Variants in TRPM5 observed in about 807,000 individuals in gnomAD.
The protein encoded by TRPM5 is transient receptor potential cation channel subfamily M member 5, also known as MLSN1 and TRP-related.
TRPM5 carries 121 observed loss-of-function variants against 124.9 expected under a neutral mutation model. The observed-to-expected ratio is 0.97, with a 90% CI of 0.84 to 1.13. The LOEUF (loss-of-function observed/expected upper bound fraction) is 1.13, where lower values mean the gene tolerates loss of function less well. TRPM5 is among the 50% of genes most tolerant of loss of function. TRPM5 has a pLI of 0.00. For synonymous variants in TRPM5, 781 were observed against 700.5 expected (o/e 1.11, Z -1.81); for missense variants, 1,643 against 1,589.1 (o/e 1.03, Z -0.58).
Position 2,413,169 on chromosome 11 carries a change from G to C in TRPM5, c.2061C>G (p.Asp687Glu), listed in dbSNP as rs139148413. The C allele has an allele frequency of 3.1e-4, 484 of 1,552,422 alleles. 2 individuals carry two copies. The African/African-American group carries it at 5.9e-3, about 19-fold the overall frequency. Residue 687 changes from aspartate to glutamate, a missense_variant, in exon 14 of 24, where the codon GAC (aspartate) becomes GAG (glutamate). Asp to Glu is a conservative substitution (Grantham distance 45, BLOSUM62 2). Coordinates refer to ENST00000155858, the Ensembl canonical transcript of TRPM5. ...GGCCATACAGCGGGCTCTTCTCCGT[G>C]TCCAGGCTGTCCAGGTCCTGCAGGT...
the TRPM5 span, among the ~76,000 whole-genome samples, chr11:2,437,145 A>G: frequency 6.6e-6 from 1 of 152,242 alleles, no homozygotes; most frequent in Non-Finnish European, 1.5e-5. This position sits in a 1 kb window ranked among gnomAD's most constrained non-coding sequence, Gnocchi z 5.6. Flanking sequence ...CAGGTCCTTC[A>G]TGGTGACAAA....
chr11:2,413,380 G>A, intron 13 of TRPM5, 96 bp downstream of exon 18: 1 of 1,333,736 alleles, frequency 7.5e-7, no homozygotes, highest in African/African-American at 1.5e-5. Flanking sequence ...ACAGAGTCAG[G>A]CTACCACCAG....
At chr11:2,417,179 C>G (rs1033177554) in intron 7 of TRPM5, among the ~76,000 whole-genome samples, 1 of 152,172 alleles carries the variant, frequency 6.6e-6, no homozygotes, top group Admixed American at 6.5e-5. Context: ...TTGGCTAGTG[C>G]GGTGGCTCAC....
chr11:2,426,355 C>T (rs1266597934), upstream of TRPM5, among the ~76,000 whole-genome samples: 1 of 152,144 alleles, frequency 6.6e-6, no homozygotes, highest in Non-Finnish European at 1.5e-5. Flanking sequence ...GTGCTAGGCA[C>T]CAGGCAAATG....
At chr11:2,428,772 G>C in the TRPM5 span, among the ~76,000 whole-genome samples, 2 of 151,688 alleles carry the variant, frequency 1.3e-5, no homozygotes, top group Admixed American at 6.6e-5. The surrounding 1 kb of genome is among the most constrained non-coding windows in gnomAD (Gnocchi z 4.0). Flanking sequence ...TGATGATGAT[G>C]ATGGTGGTGG....
In TRPM5 at chr11:2,414,651, C is replaced by G. The variant is rs957004927; in HGVS notation, c.1744+64G>C. ...AGCCCTGGCGAGGCCCAGGACCCTT[C>G]GTCCGACCCCTCCGTCACATCCTCC... On this transcript the variant is annotated intron_variant, in intron 11 of 23. Coordinates refer to ENST00000155858, the Ensembl canonical transcript of TRPM5. The G allele has an allele frequency of 1.3e-5, 19 of 1,473,346 alleles. 2 individuals are homozygous for G. The South Asian group carries it at 2.5e-4, about 20-fold the overall frequency. The allele number at this position is 1,473,346 out of a possible 1,614,324, so 91.3% of individuals were successfully genotyped here.
chr11:2,405,888 T>C, intron 22 of TRPM5, 131 bp downstream of exon 27: 2 of 855,602 alleles, frequency 2.3e-6, no homozygotes, highest in Admixed American at 4.1e-5. Flanking sequence ...CTCTGCCCAC[T>C]GGGGTGCTCC....
At position 2,413,071 on chromosome 11, in the gene TRPM5, A is replaced by G. The variant is rs938559554; in HGVS notation, c.2097-59T>C. On this transcript the variant is annotated intron_variant, in intron 14 of 23. Transcript: ENST00000155858. ...GGCGCCCAGCCGGGTGCCCCACCAG[A>G]GTCCAGCCTCCCAGCCACCACCCGC... is the stretch of plus-strand genomic sequence containing the variant. The G allele has an allele frequency of 1.4e-5, 22 of 1,545,704 alleles. No individual in the cohort carries two copies. The Admixed American group carries it at 4.1e-4, about 29-fold the overall frequency.
At chr11:2,414,880 C>A in intron 10 of TRPM5, 27 bp downstream of exon 15, 1 of 1,594,618 alleles carries the variant, frequency 6.3e-7, no homozygotes. Flanking sequence ...CCCCTGCCCC[C>A]GCGCTGGGCC....
chr11:2,405,560 C>G, exon 23 of TRPM5: 1 of 1,566,008 alleles, frequency 6.4e-7, no homozygotes, highest in Non-Finnish European at 8.7e-7. Context: ...AGCACGTCAG[C>G]CACGGAGGAC....
Position 2,411,781 on chromosome 11 carries a change from G to C in TRPM5, c.2475-14C>G. 6.2e-7 allele frequency: 1 copy of C among 1,611,980 alleles called. No homozygotes were observed. The highest frequency in any genetic ancestry group is 8.5e-7 in the Non-Finnish European group (1 of 1,179,590). On this transcript the variant is annotated splice_polypyrimidine_tract_variant and intron_variant, in intron 16 of 23. Coordinates refer to ENST00000155858, the Ensembl canonical transcript of TRPM5. The stretch of plus-strand genomic sequence containing the variant: ...GACGGCAGCATCCTGGAGGATGGGA[G>C]GCTGATGCGGCTGCGGGGCCCAGAG...
At chr11:2,422,885 G>A in intron 1 of TRPM5, 35 bp downstream of exon 6, 1 of 1,572,320 alleles carries the variant, frequency 6.4e-7, no homozygotes, top group Non-Finnish European at 8.8e-7. Flanking sequence ...CCAGGTCAAG[G>A]CGGACATCAC....
the TRPM5 span, among the ~76,000 whole-genome samples, chr11:2,431,590 C>T: frequency 2.0e-5 from 3 of 152,164 alleles, no homozygotes; most frequent in Non-Finnish European, 4.4e-5. Flanking sequence ...TCCCTGCCTA[C>T]AACCTTCCAT....
In TRPM5 at chr11:2,413,288, C is replaced by T. The variant is rs1589869861; in HGVS notation, c.2004-62G>A. 2.7e-6 allele frequency: 4 copies of T among 1,466,356 alleles called. No homozygotes were observed. In the African/African-American group the frequency reaches 4.3e-5, roughly 16 times the overall value. 90.8% of individuals were successfully genotyped at this position (1,466,356 alleles called of 1,614,324 possible). A position where few individuals can be genotyped will look rare whatever the true frequency, so the allele number is the denominator to read the frequency against. On this transcript the variant is annotated intron_variant, in intron 13 of 23. Transcript: ENST00000155858. ...GCTCCCAGAGGCGCCTGCCTGGCTC[C>T]AGGCGCTTGGCCATCAAAGTGCCCA...
chr11:2,429,107 T>C, the TRPM5 span, among the ~76,000 whole-genome samples: 2 of 148,592 alleles, frequency 1.3e-5, no homozygotes, highest in African/African-American at 5.0e-5. This position sits in a 1 kb window ranked among gnomAD's most constrained non-coding sequence, Gnocchi z 8.4. Flanking sequence ...GTAGTAATGA[T>C]GATGGTGGTG....
chr11:2,407,971 G>A, intron 18 of TRPM5, 59 bp from the exon 24 acceptor site: 1 of 1,588,732 alleles, frequency 6.3e-7, no homozygotes, highest in Non-Finnish European at 8.6e-7. Flanking sequence ...GCGGCCTTAG[G>A]CAAATGCCCC....
At chr11:2,406,202 GCCCTTT>G (rs1243172217) in intron 21 of TRPM5, 111 bp from the exon 27 acceptor site, 1 of 1,186,088 alleles carries the variant, frequency 8.4e-7, no homozygotes, top group African/African-American at 1.5e-5. Flanking sequence ...GGGTGCCCTG[GCCCTTT>G]CCCTTCCTCC....
chr11:2,419,239 G>C (rs1159116177), intron 4 of TRPM5, among the ~76,000 whole-genome samples: 1 of 152,174 alleles, frequency 6.6e-6, no homozygotes, highest in Non-Finnish European at 1.5e-5. Context: ...GGCCAGCAGG[G>C]CTTCCGCAGA....
At chr11:2,434,440 C>T in the TRPM5 span, among the ~76,000 whole-genome samples, 130 of 109,594 alleles carry the variant, frequency 1.2e-3, no homozygotes, top group African/African-American at 4.4e-3. Context: ...ACTGTGTGTC[C>T]GGCTGTGTGT....
Sources: allele counts gnomAD v4.1 joint callset (sites outside exome capture counted in the v4.1 genomes callset), GRCh38; gene constraint gnomAD v4.1.1; non-coding constraint Gnocchi (gnomAD v3.1); transcripts MANE v1.5; gene names NCBI Gene and HGNC (gene_info 2026-07-23, HGNC 2026-07-21).